The following NTM variants were observed in gnomAD, a reference collection of about 807,000 sequenced individuals.
NTM encodes the protein IgLON family member 2.
Under a neutral mutation model 42.1 loss-of-function variants are expected in NTM, and 13 were observed. The ratio of observed to expected loss-of-function variants is 0.31; its 90% confidence interval spans 0.20 to 0.49. The LOEUF (loss-of-function observed/expected upper bound fraction) is 0.49, where lower values mean the gene tolerates loss of function less well. NTM is among the 20% of genes least tolerant of loss of function. The pLI, the probability that NTM is intolerant of heterozygous loss-of-function variation, is 0.99. For synonymous variants in NTM, 187 were observed against 179.2 expected, an observed-to-expected ratio of 1.04 and a Z score of -0.35; for missense variants, 373 against 452.8, an observed-to-expected ratio of 0.82 and a Z score of 1.60.
At chr11:131,924,395 T>C (rs1161697401) in intron 2 of NTM, among the ~76,000 whole-genome samples, 4 of 152,114 alleles carry the variant, frequency 2.6e-5, no homozygotes, top group African/African-American at 9.7e-5. Flanking sequence ...CGTTCTTGAG[T>C]TTTGAGGAAG....
chr11:132,296,952 A>G (rs1218307692), intron 4 of NTM, among the ~76,000 whole-genome samples: 2 of 152,018 alleles, frequency 1.3e-5, no homozygotes, highest in African/African-American at 4.8e-5. Flanking sequence ...GTTTATAAAG[A>G]CTCATTTTTT....
At chr11:132,005,145 G>A (rs1305984022) in intron 2 of NTM, among the ~76,000 whole-genome samples, 2 of 152,076 alleles carry the variant, frequency 1.3e-5, no homozygotes, top group African/African-American at 4.8e-5. Context: ...TAGTAAGGGA[G>A]TCTAAAAAAA....
chr11:131,910,734 C>A, intron 1 of NTM: 1 of 655,848 alleles, frequency 1.5e-6, no homozygotes, highest in African/African-American at 2.0e-5. Flanking sequence ...AGCTTGGGGC[C>A]GCCGCGGTCC....
At chr11:131,633,523 G>GTC (rs951697594) in intron 1 of NTM, among the ~76,000 whole-genome samples, 112 of 148,538 alleles carry the variant, frequency 7.5e-4, no homozygotes, top group East Asian at 3.8e-3. Context: ...TCAGGGTTCT[G>GTC]TCTCTCTCTC....
intron 1 of NTM, among the ~76,000 whole-genome samples, chr11:131,886,515 C>G (rs535616924): frequency 6.6e-5 from 10 of 152,356 alleles, no homozygotes; most frequent in Admixed American, 2.0e-4. Flanking sequence ...CACTCTACCT[C>G]TAAAAAGATC....
chr11:131,711,676 G>A (rs1309069308), intron 1 of NTM, among the ~76,000 whole-genome samples: 6 of 151,928 alleles, frequency 3.9e-5, no homozygotes, highest in Non-Finnish European at 8.8e-5. Context: ...AAAGACACAT[G>A]CACACATATG....
chr11:131,562,458 G>T (rs1047785973), intron 1 of NTM, among the ~76,000 whole-genome samples: 1 of 152,144 alleles, frequency 6.6e-6, no homozygotes, highest in Non-Finnish European at 1.5e-5. Flanking sequence ...GTATTTGTCA[G>T]TTGCTAAGCC....
chr11:131,404,172 C>A (rs552846196), intron 1 of NTM, among the ~76,000 whole-genome samples: 1 of 152,254 alleles, frequency 6.6e-6, no homozygotes, highest in African/African-American at 2.4e-5. Flanking sequence ...ACAGTCTTCA[C>A]TTTTTCAGCA....
At chr11:132,303,213 CA>C (rs1313231646) in intron 4 of NTM, among the ~76,000 whole-genome samples, 1 of 152,184 alleles carries the variant, frequency 6.6e-6, no homozygotes, top group Non-Finnish European at 1.5e-5. Context: ...TGACAAGGCA[CA>C]AAAAACTGGG....
intron 2 of NTM, among the ~76,000 whole-genome samples, chr11:132,030,268 A>G (rs1191702862): frequency 1.3e-5 from 2 of 152,154 alleles, no homozygotes; most frequent in East Asian, 3.9e-4. Flanking sequence ...AATTAAATTT[A>G]TTAATTACTA....
chr11:132,263,433 C>A (rs1251143720), intron 4 of NTM, among the ~76,000 whole-genome samples: 1 of 152,214 alleles, frequency 6.6e-6, no homozygotes, highest in Non-Finnish European at 1.5e-5. Context: ...ACCAGAAGTT[C>A]TCCTGCTAGG....
At chr11:131,583,064 T>C (rs1302290987) in intron 1 of NTM, among the ~76,000 whole-genome samples, 1 of 152,332 alleles carries the variant, frequency 6.6e-6, no homozygotes, top group African/African-American at 2.4e-5. Flanking sequence ...CTGGCTCTCT[T>C]TGATGATCCA....
intron 1 of NTM, among the ~76,000 whole-genome samples, chr11:131,595,837 A>G (rs2059767800): frequency 6.6e-6 from 1 of 152,258 alleles, no homozygotes; most frequent in South Asian, 2.1e-4. Flanking sequence ...TTCAGAGCAG[A>G]TTCAGGGACA....
rs540105696 is a variant in NTM at position 131,525,880 on chromosome 11, C to A, written c.82+154992C>A. Among the ~76,000 whole-genome samples, 17 of 152,222 alleles carry A rather than the reference C, an allele frequency of 1.1e-4. No individual in the cohort carries two copies. In the South Asian group the frequency reaches 3.1e-3, roughly 28 times the overall value. On this transcript the variant is annotated intron_variant, in intron 1 of 8. Transcript: ENST00000683400. The stretch of plus-strand genomic sequence containing the variant: ...GTGTGTGCATGTATATATACATACA[C>A]TTTGCCTGGAAAGAAATGCCTGAGA...
At chr11:131,419,149 T>G (rs1447965944) in intron 1 of NTM, among the ~76,000 whole-genome samples, 2 of 122,364 alleles carry the variant, frequency 1.6e-5, no homozygotes, top group Admixed American at 9.4e-5. Flanking sequence ...AAGTATACCT[T>G]GGTTAAAAAC....
At chr11:131,777,595 C>A (rs1245981387) in intron 1 of NTM, among the ~76,000 whole-genome samples, 3 of 151,904 alleles carry the variant, frequency 2.0e-5, no homozygotes, top group African/African-American at 7.3e-5. Context: ...AATGGCATAA[C>A]AAAGCCCCAA....
At chr11:132,291,243 G>T (rs936440680) in intron 4 of NTM, among the ~76,000 whole-genome samples, 2 of 152,176 alleles carry the variant, frequency 1.3e-5, no homozygotes, top group African/African-American at 4.8e-5. Context: ...GAACAGAAGA[G>T]GATGGATTCA....
At position 131,854,634 on chromosome 11, in the gene NTM, G is replaced by A. The variant is rs74546384; in HGVS notation, c.83-56930G>A. ...GGAGCCCAGTGTGGGAGGGAGAGTA[G>A]AGGTAAGTTCGGGAGATAGGGGAAA... is the stretch of plus-strand genomic sequence containing the variant. On this transcript the variant is annotated intron_variant, in intron 1 of 8. Coordinates refer to ENST00000683400, the MANE Select transcript of NTM (RefSeq NM_001352005.2). 1.7e-3 allele frequency among the ~76,000 whole-genome samples: 261 copies of A among 152,302 alleles called. 1 individual carries two copies. Among genetic ancestry groups the A allele is most frequent in the African/African-American group, 5.9e-3 (246 of 41,576 alleles).
Position 132,307,824 on chromosome 11 carries a change from G to T in NTM, c.661+1G>T, listed in dbSNP as rs983085886. The T allele has an allele frequency of 1.2e-6, 2 of 1,614,036 alleles. No homozygotes were observed. Among genetic ancestry groups the T allele is most frequent in the Non-Finnish European group, 1.7e-6 (2 of 1,179,964 alleles). ...CGGAGAGTAAAGGTCACCGTGAACT[G>T]TAAGTGTTCTCACCACCACGCGCCC... On this transcript the variant is annotated splice_donor_variant, in intron 5 of 8. Transcript: ENST00000683400. LOFTEE classifies it high-confidence loss of function.
Sources: gnomAD v4.1 joint callset for allele counts (sites outside exome capture counted in the v4.1 genomes callset) on GRCh38, gnomAD v4.1.1 for gene constraint, MANE v1.5 for transcripts, NCBI Gene and HGNC (gene_info 2026-07-23, HGNC 2026-07-21) for gene names.